Variants in OTULIN observed in about 807,000 individuals in gnomAD.
The protein encoded by OTULIN is ubiquitin thioesterase otulin.
OTULIN carries 15 observed loss-of-function variants against 39.6 expected under a neutral mutation model. The ratio of observed to expected loss-of-function variants is 0.38; its 90% CI spans 0.25 to 0.58. The LOEUF (loss-of-function observed/expected upper bound fraction) is 0.58, where lower values mean the gene tolerates loss of function less well. Among genes scored for constraint, OTULIN ranks in the 20% least tolerant of loss-of-function variants. The pLI, the probability that OTULIN is intolerant of heterozygous loss-of-function variation, is 0.66. For missense variants in OTULIN, 319 were observed against 445.9 expected, an observed-to-expected ratio of 0.72 and a Z score of 2.56; for synonymous variants, 156 against 170.3, an observed-to-expected ratio of 0.92 and a Z score of 0.65.
At position 14,695,700 on chromosome 5, in the gene OTULIN, A is replaced by G. The variant is rs1355818191; in HGVS notation, c.*2652A>G. On this transcript the variant is annotated 3_prime_UTR_variant, in exon 7 of 7. Transcript: ENST00000284274. The stretch of plus-strand genomic sequence containing the variant: ...TCCTTACATCCTGAGCTCCTTCTGT[A>G]TATACATCTGTTGATTTTATCCATC... 1 of 152,184 alleles carries G rather than the reference A, an allele frequency of 6.6e-6. No homozygotes were observed. The allele number at this position is 152,184 out of a possible 1,614,324, so 9.4% of individuals were successfully genotyped here.
At chr5:14,674,951 T>C (rs542274599) in intron 2 of OTULIN, among the ~76,000 whole-genome samples, 19 of 152,142 alleles carry the variant, frequency 1.2e-4, no homozygotes, top group Non-Finnish European at 2.6e-4. Flanking sequence ...CCTTTAAAGC[T>C]TCTTAAGATT....
the OTULIN span, chr5:14,711,317 C>T: frequency 6.2e-7 from 1 of 1,610,596 alleles, no homozygotes; most frequent in Non-Finnish European, 8.5e-7. Flanking sequence ...TTTTCTAGAC[C>T]AAAGAAGACT....
At chr5:14,710,994 T>C in the OTULIN span, 6 of 601,316 alleles carry the variant, frequency 1.0e-5, no homozygotes, top group African/African-American at 1.1e-4. Context: ...ATAGCAACAG[T>C]AAAGACCATT....
chr5:14,700,592 T>TGCTCACCCTCCGC (rs200252637), downstream of OTULIN, among the ~76,000 whole-genome samples: 6,661 of 127,192 alleles, frequency 0.052, 244 homozygotes, highest in Non-Finnish European at 0.084. Flanking sequence ...ATACCCTCTG[T>TGCTCACCCTCCGC]GCTCACCCTC....
intron 2 of OTULIN, among the ~76,000 whole-genome samples, chr5:14,677,079 G>T (rs959571120): frequency 6.6e-6 from 1 of 152,082 alleles, no homozygotes; most frequent in Admixed American, 6.5e-5. Flanking sequence ...CTTTGTAAAA[G>T]AATTCACAGT....
intron 3 of OTULIN, 99 bp downstream of exon 3, chr5:14,678,874 T>G (rs1477090443): frequency 1.4e-6 from 1 of 729,494 alleles, no homozygotes; most frequent in Non-Finnish European, 2.2e-6. Context: ...TTAAAATGAC[T>G]GCTATAGACG....
chr5:14,711,918 C>A, the OTULIN span, among the ~76,000 whole-genome samples: 6 of 152,214 alleles, frequency 3.9e-5, no homozygotes, highest in African/African-American at 1.4e-4. Context: ...CACCAACAGG[C>A]CAAGGCAAGG....
chr5:14,687,684 G>C (rs1736420647), intron 5 of OTULIN, 38 bp downstream of exon 5: 1 of 1,549,206 alleles, frequency 6.5e-7, no homozygotes, highest in African/African-American at 1.4e-5. Flanking sequence ...TAAGGGTGAA[G>C]CTCTCGTTCT....
At chr5:14,674,832 G>A (rs937298898) in intron 2 of OTULIN, among the ~76,000 whole-genome samples, 1 of 152,168 alleles carries the variant, frequency 6.6e-6, no homozygotes, top group Non-Finnish European at 1.5e-5. Context: ...TTTAAATGAT[G>A]ATACCAGCCA....
Position 14,686,185 on chromosome 5 carries a change from T to C in OTULIN, c.469-1336T>C, listed in dbSNP as rs16903642. On this transcript the variant is annotated intron_variant, in intron 4 of 6. Coordinates refer to ENST00000284274, the MANE Select transcript of OTULIN (RefSeq NM_138348.6). ...TGAGAAGGTACCACCAGAATTACTATTTATGAAAGGGTCTTTTAGTCTTAC... is the reference window on the plus strand; with the variant it reads ...TGAGAAGGTACCACCAGAATTACTACTTATGAAAGGGTCTTTTAGTCTTAC... Among the ~76,000 whole-genome samples the C allele has an allele frequency of 1.0e-2, 1,521 of 152,366 alleles. 28 individuals are homozygous for C. Among genetic ancestry groups the C allele is most frequent in the African/African-American group, 0.034 (1,433 of 41,588 alleles).
chr5:14,692,002 G>C (rs1417187201), intron 6 of OTULIN, among the ~76,000 whole-genome samples: 2 of 152,152 alleles, frequency 1.3e-5, no homozygotes, highest in Non-Finnish European at 2.9e-5. Flanking sequence ...AGTTTGATGG[G>C]TATTTGGATT....
At chr5:14,701,440 A>G (rs146551895), downstream of OTULIN, among the ~76,000 whole-genome samples, 9 of 152,272 alleles carry the variant, frequency 5.9e-5, no homozygotes, top group East Asian at 1.5e-3. Context: ...GGGATTTGCC[A>G]GCCAGCCCCA....
chr5:14,713,396 G>A, the OTULIN span: 1 of 1,204,232 alleles, frequency 8.3e-7, no homozygotes, highest in Non-Finnish European at 1.2e-6. This position sits in a 1 kb window ranked among gnomAD's most constrained non-coding sequence, Gnocchi z 4.4. Flanking sequence ...CCTCCACCTG[G>A]TGCCTGGGCA....
Position 14,693,201 on chromosome 5 carries a change from G to C in OTULIN, c.*153G>C, listed in dbSNP as rs1736577817. The C allele has an allele frequency of 1.6e-6, 1 of 630,676 alleles. No individual in the cohort carries two copies. Among genetic ancestry groups the C allele is most frequent in the African/African-American group, 1.8e-5 (1 of 54,392 alleles). The allele number at this position is 630,676 out of a possible 1,614,324, so 39.1% of individuals were successfully genotyped here. A position where few individuals can be genotyped will look rare whatever the true frequency, so the allele number is the denominator to read the frequency against. On this transcript the variant is annotated 3_prime_UTR_variant, in exon 7 of 7. Transcript: ENST00000284274. ...GTTGGACAGGATGTCCTGAAGACTAGCTTTTGATAAGAGAAATTAACCAAG... is the reference window on the plus strand; with the variant it reads ...GTTGGACAGGATGTCCTGAAGACTACCTTTTGATAAGAGAAATTAACCAAG...
rs1280078009 is a variant in OTULIN at position 14,696,431 on chromosome 5, T to C, written c.*3383T>C. On this transcript the variant is annotated 3_prime_UTR_variant, in exon 7 of 7. Coordinates refer to ENST00000284274, the MANE Select transcript of OTULIN (RefSeq NM_138348.6). ...GTAGACATGCAGTAAAAGAAATGCA[T>C]TTATGTAAGATCTGTGAGTACTTAA... 1 of 152,212 alleles carries C rather than the reference T, an allele frequency of 6.6e-6. No individual in the cohort carries two copies. The highest frequency in any genetic ancestry group is 1.5e-5 in the Non-Finnish European group (1 of 68,050). The allele number at this position is 152,212 out of a possible 1,614,324, so 9.4% of individuals were successfully genotyped here.
At chr5:14,671,320 A>G (rs781537763) in intron 1 of OTULIN, among the ~76,000 whole-genome samples, 7 of 152,212 alleles carry the variant, frequency 4.6e-5, no homozygotes, top group Non-Finnish European at 7.3e-5. Context: ...TAGACTAAAG[A>G]ACTGGAAGAG....
intron 5 of OTULIN, 75 bp downstream of exon 5, chr5:14,687,721 G>C (rs930569117): frequency 1.8e-5 from 27 of 1,488,328 alleles, no homozygotes; most frequent in Admixed American, 2.4e-5. Context: ...CCAGTTTTTA[G>C]TCTTCACTCA....
At chr5:14,673,837 T>G in intron 2 of OTULIN, 119 bp downstream of exon 2, 1 of 755,592 alleles carries the variant, frequency 1.3e-6, no homozygotes, top group Non-Finnish European at 2.0e-6. Flanking sequence ...TATGGTCTTA[T>G]CTACATTGAT....
chr5:14,713,098 G>T, the OTULIN span: 1 of 957,774 alleles, frequency 1.0e-6, no homozygotes, highest in Non-Finnish European at 1.6e-6. The surrounding 1 kb of genome is among the most constrained non-coding windows in gnomAD (Gnocchi z 4.4). Flanking sequence ...TTCTCCATCT[G>T]CTGGCTTCGT....
Sources: gnomAD v4.1 joint callset for allele counts (sites outside exome capture counted in the v4.1 genomes callset) on GRCh38, gnomAD v4.1.1 for gene constraint, Gnocchi (gnomAD v3.1) non-coding constraint, MANE v1.5 for transcripts, NCBI Gene and HGNC (gene_info 2026-07-23, HGNC 2026-07-21) for gene names.